ARID1B: variants seen among roughly 807,000 people sequenced by gnomAD.
The protein encoded by ARID1B is AT-rich interactive domain-containing protein 1B.
A neutral mutation model predicts 212.3 loss-of-function variants in ARID1B; 30 were observed. The observed-to-expected ratio is 0.14, with a 90% CI of 0.11 to 0.19. ARID1B has a LOEUF of 0.19. Among genes scored for constraint, ARID1B ranks in the 10% least tolerant of loss-of-function variants. The pLI is 1.00. For synonymous variants in ARID1B, 1,402 were observed against 1,301.7 expected, an observed-to-expected ratio of 1.08 and a Z score of -1.66; for missense variants, 2,891 against 3,204.0, an observed-to-expected ratio of 0.90 and a Z score of 2.36.
intron 4 of ARID1B, among the ~76,000 whole-genome samples, chr6:156,980,484 AAAAAC>A (rs55654545): frequency 2.6e-4 from 39 of 151,624 alleles, no homozygotes; most frequent in Admixed American, 9.8e-4. Flanking sequence ...CCTACATCTC[AAAAAC>A]AAAACAAAAC....
intron 3 of ARID1B, among the ~76,000 whole-genome samples, chr6:156,935,032 A>G (rs1582983364): frequency 6.7e-6 from 1 of 149,484 alleles, no homozygotes; most frequent in Non-Finnish European, 1.5e-5. Context: ...AATTATAGCC[A>G]TAACATATTT....
Position 157,208,710 on chromosome 6 carries a change from C to CTTTTA in ARID1B, c.*823_*824insATTTT. 5.8e-6 allele frequency: 1 copy of CTTTTA among 171,584 alleles called. No homozygotes were observed. The highest frequency in any genetic ancestry group is 3.6e-5 in the African/African-American group (1 of 27,712). The allele number at this position is 171,584 out of a possible 1,614,324, so 10.6% of individuals were successfully genotyped here. A position where few individuals can be genotyped will look rare whatever the true frequency, so the allele number is the denominator to read the frequency against. ...ACATTAAACATACCCTCATTTTTTT[C>CTTTTA]TTTTCTTTTTTTTTTTTTTTTTTAG... On this transcript the variant is annotated 3_prime_UTR_variant, in exon 20 of 20. Transcript: ENST00000636930.
intron 2 of ARID1B, among the ~76,000 whole-genome samples, chr6:156,846,732 C>T (rs917564458): frequency 3.3e-5 from 5 of 152,118 alleles, no homozygotes; most frequent in Admixed American, 2.0e-4. Flanking sequence ...ACTGAGTCCC[C>T]GTTTTCCATG....
At chr6:157,008,269 A>G (rs1464016414) in intron 4 of ARID1B, among the ~76,000 whole-genome samples, 1 of 152,178 alleles carries the variant, frequency 6.6e-6, no homozygotes, top group Non-Finnish European at 1.5e-5. Flanking sequence ...CCATCTCCAG[A>G]AGTCTTTTCA....
intron 4 of ARID1B, among the ~76,000 whole-genome samples, chr6:157,004,904 T>TTTTTTTTTTTTTTTTTTTTTTTTG (rs1779139232): frequency 3.1e-5 from 1 of 32,098 alleles, no homozygotes; most frequent in Non-Finnish European, 6.2e-5. Context: ...TTTCTTTTTT[T>TTTTTTTTTTTTTTTTTTTTTTTTG]TTTTTTTTTT....
intron 4 of ARID1B, among the ~76,000 whole-genome samples, chr6:157,040,289 C>T (rs1379593591): frequency 1.3e-5 from 2 of 152,300 alleles, no homozygotes; most frequent in East Asian, 3.9e-4. Flanking sequence ...GGTTTTTAAA[C>T]GCATTCACAA....
chr6:156,896,560 G>A (rs1668458840), intron 2 of ARID1B, among the ~76,000 whole-genome samples: 1 of 98,036 alleles, frequency 1.0e-5, no homozygotes, highest in African/African-American at 4.2e-5. Context: ...TGGGCAACAA[G>A]AGCAAAACTG....
intron 12 of ARID1B, among the ~76,000 whole-genome samples, chr6:157,181,843 C>A (rs1194846178): frequency 6.6e-6 from 1 of 152,212 alleles, no homozygotes; most frequent in Non-Finnish European, 1.5e-5. Context: ...AGTTGTAGGA[C>A]CACGCCCTGT....
chr6:156,961,148 A>G (rs1794344705), intron 4 of ARID1B, among the ~76,000 whole-genome samples: 1 of 152,204 alleles, frequency 6.6e-6, no homozygotes. Context: ...TACTCCAGAA[A>G]GAAGGGTGCA....
chr6:156,893,624 A>G (rs1190973601), intron 2 of ARID1B, among the ~76,000 whole-genome samples: 1 of 152,226 alleles, frequency 6.6e-6, no homozygotes, highest in Non-Finnish European at 1.5e-5. Flanking sequence ...AAGGACTTGA[A>G]TAAACATTTT....
At position 156,819,207 on chromosome 6, in the gene ARID1B, T is replaced by C. The variant is rs188182148; in HGVS notation, c.1792-10020T>C. Among the ~76,000 whole-genome samples, 531 of 152,350 alleles carry C rather than the reference T, an allele frequency of 3.5e-3. 4 individuals are homozygous for C. Among genetic ancestry groups the C allele is most frequent in the Non-Finnish European group, 4.6e-3 (314 of 68,030 alleles). On this transcript the variant is annotated intron_variant, in intron 1 of 19. Coordinates refer to ENST00000636930, the MANE Select transcript of ARID1B (RefSeq NM_001374828.1). ...ATATTATTTCTCCTTCTTAAATAAG[T>C]GCTTGCTACTAGGCTGTCAGTAGTG... is the stretch of plus-strand genomic sequence containing the variant.
At chr6:157,178,225 G>A (rs1792241524) in intron 11 of ARID1B, among the ~76,000 whole-genome samples, 1 of 152,040 alleles carries the variant, frequency 6.6e-6, no homozygotes, top group African/African-American at 2.4e-5. Context: ...CTGTTAGCAT[G>A]TTCCAAGCGT....
intron 15 of ARID1B, chr6:157,193,521 T>C (rs1014652956): frequency 1.3e-5 from 2 of 152,228 alleles, no homozygotes; most frequent in South Asian, 2.1e-4. Flanking sequence ...AGCTAGGATA[T>C]TGAGGTGGCC....
At chr6:157,052,219 G>A (rs1015247622) in intron 4 of ARID1B, among the ~76,000 whole-genome samples, 1 of 152,190 alleles carries the variant, frequency 6.6e-6, no homozygotes, top group Non-Finnish European at 1.5e-5. Context: ...TGAAGAAACT[G>A]ATCCTCGTAT....
chr6:157,177,926 C>T (rs7750704), intron 11 of ARID1B, among the ~76,000 whole-genome samples: 18,195 of 152,144 alleles, frequency 0.12, 2,999 homozygotes, highest in African/African-American at 0.37. Flanking sequence ...CCAAAGCCAG[C>T]GTCTATGAAC....
intron 4 of ARID1B, among the ~76,000 whole-genome samples, chr6:157,055,482 A>G (rs1478898612): frequency 6.6e-6 from 1 of 152,252 alleles, no homozygotes; most frequent in Non-Finnish European, 1.5e-5. Flanking sequence ...TGCTCACTGT[A>G]GTAACTGCTC....
At chr6:157,182,099 C>T (rs1792585616) in intron 12 of ARID1B, among the ~76,000 whole-genome samples, 1 of 152,060 alleles carries the variant, frequency 6.6e-6, no homozygotes, top group African/African-American at 2.4e-5. Context: ...AACTACAAAA[C>T]TTAGCCGGGC....
intron 2 of ARID1B, among the ~76,000 whole-genome samples, chr6:156,897,310 G>A (rs1438867511): frequency 7.7e-6 from 1 of 130,124 alleles, no homozygotes; most frequent in Non-Finnish European, 1.7e-5. Flanking sequence ...GTCTTGCCCT[G>A]TCGCCCAGGC....
intron 2 of ARID1B, among the ~76,000 whole-genome samples, chr6:156,861,615 A>T (rs1295948183): frequency 5.9e-5 from 9 of 152,152 alleles, no homozygotes; most frequent in Admixed American, 3.3e-4. Context: ...TGTCTCAAAA[A>T]ATAAAAAAAT....
Sources: gnomAD v4.1 joint callset for allele counts (sites outside exome capture counted in the v4.1 genomes callset) on GRCh38, gnomAD v4.1.1 for gene constraint, MANE v1.5 for transcripts, NCBI Gene and HGNC (gene_info 2026-07-23, HGNC 2026-07-21) for gene names.